Variants in ADCY9 observed in about 807,000 individuals in gnomAD.
The protein encoded by ADCY9 is adenylate cyclase 9.
A neutral mutation model predicts 101.5 loss-of-function variants in ADCY9; 50 were observed. The ratio of observed to expected loss-of-function variants is 0.49; its 90% CI spans 0.39 to 0.62. The LOEUF is 0.62. Among genes scored for constraint, ADCY9 ranks in the 20% least tolerant of loss-of-function variants. The pLI is 0.00. For synonymous variants in ADCY9, 905 were observed against 769.3 expected (o/e 1.18, Z -2.92); for missense variants, 1,662 against 1,800.4 (o/e 0.92, Z 1.39).
intron 2 of ADCY9, among the ~76,000 whole-genome samples, chr16:4,030,000 A>G (rs550108473): frequency 6.6e-6 from 1 of 152,298 alleles, no homozygotes; most frequent in South Asian, 2.1e-4. Flanking sequence ...GCTGGTGAGG[A>G]TGCAGAGCCA....
intron 2 of ADCY9, among the ~76,000 whole-genome samples, chr16:4,063,167 A>G (rs2056782206): frequency 6.6e-6 from 1 of 152,224 alleles, no homozygotes; most frequent in African/African-American, 2.4e-5. Context: ...CCAAAATGAA[A>G]TTTTTAAAAA....
intron 2 of ADCY9, among the ~76,000 whole-genome samples, chr16:4,026,564 A>G (rs181357122): frequency 6.6e-6 from 1 of 152,306 alleles, no homozygotes; most frequent in East Asian, 1.9e-4. Flanking sequence ...GGCACTATTC[A>G]TAATTGCCAA....
chr16:3,974,603 C>T (rs2056078553), intron 10 of ADCY9, 66 bp downstream of exon 10: 7 of 1,349,350 alleles, frequency 5.2e-6, no homozygotes, highest in African/African-American at 1.5e-5. Context: ...CAGGAAGCTT[C>T]GAAATGGGCA....
chr16:3,971,550 G>A (rs1274774362), intron 10 of ADCY9, among the ~76,000 whole-genome samples: 1 of 152,118 alleles, frequency 6.6e-6, no homozygotes, highest in African/African-American at 2.4e-5. Context: ...TACATCTCAA[G>A]TACTAAGCAA....
At chr16:4,003,563 CTTTT>C (rs34344577) in intron 3 of ADCY9, among the ~76,000 whole-genome samples, 1 of 124,478 alleles carries the variant, frequency 8.0e-6, no homozygotes, top group African/African-American at 3.0e-5. Context: ...TCTTTCTTTT[CTTTT>C]TTTTTTTTTT....
intron 2 of ADCY9, among the ~76,000 whole-genome samples, chr16:4,074,724 A>AAAAAAAT (rs2056856650): frequency 6.6e-6 from 1 of 151,606 alleles, no homozygotes; most frequent in Admixed American, 6.6e-5. Context: ...GGCAAAAAAA[A>AAAAAAAT]AAAAAAATAG....
Position 4,077,831 on chromosome 16 carries a change from C to A in ADCY9, c.1693+35919G>T, listed in dbSNP as rs538400647. Among the ~76,000 whole-genome samples, 37 of 152,180 alleles carry A rather than the reference C, an allele frequency of 2.4e-4. No individual in the cohort carries two copies. The South Asian group carries it at 7.5e-3, about 31-fold the overall frequency. On this transcript the variant is annotated intron_variant, in intron 2 of 10. Coordinates refer to ENST00000294016, the MANE Select transcript of ADCY9 (RefSeq NM_001116.4). Reference sequence around the variant, plus strand: ...CCTGGCCAGCATGGCAAAACGCCATCTCTACTAAAAATACAAAAGAAATTA... The same window carrying A: ...CCTGGCCAGCATGGCAAAACGCCATATCTACTAAAAATACAAAAGAAATTA...
At chr16:4,014,322 A>AAAG (rs1257507155) in intron 2 of ADCY9, among the ~76,000 whole-genome samples, 1 of 147,988 alleles carries the variant, frequency 6.8e-6, no homozygotes, top group Non-Finnish European at 1.5e-5. Context: ...TTGTCTCAAA[A>AAAG]AAGAAAAAAA....
chr16:3,979,102 G>A lies in ADCY9; in HGVS notation c.2679+14C>T, dbSNP rs1277874535. The A allele has an allele frequency of 1.9e-6, 3 of 1,614,144 alleles. No individual in the cohort carries two copies. The East Asian group carries it at 6.7e-5, about 36-fold the overall frequency. On this transcript the variant is annotated intron_variant, in intron 8 of 10. Coordinates refer to ENST00000294016, the MANE Select transcript of ADCY9 (RefSeq NM_001116.4). ...AGGAGAGCGTGGAAATAAAACGGCT[G>A]AGCCTTTACTTACGTGTATGTTGGT...
chr16:4,091,896 C>G lies in ADCY9; in HGVS notation c.1693+21854G>C, dbSNP rs186402768. ...CGGAATTAGACCCAGGGGATGGTTG[C>G]ACAACACTGTGAATGTGCGATATGC... On this transcript the variant is annotated intron_variant, in intron 2 of 10. Coordinates refer to ENST00000294016, the MANE Select transcript of ADCY9 (RefSeq NM_001116.4). Among the ~76,000 whole-genome samples the G allele has an allele frequency of 3.6e-3, 543 of 152,310 alleles. 3 individuals carry two copies. Among genetic ancestry groups the G allele is most frequent in the Non-Finnish European group, 6.2e-3 (419 of 68,022 alleles).
At chr16:4,037,940 A>G (rs2056600419) in intron 2 of ADCY9, among the ~76,000 whole-genome samples, 1 of 152,184 alleles carries the variant, frequency 6.6e-6, no homozygotes, top group Admixed American at 6.5e-5. Flanking sequence ...AATGTCCCCC[A>G]AAATTGACGT....
chr16:4,029,378 A>C (rs1402541514), intron 2 of ADCY9, among the ~76,000 whole-genome samples: 1 of 152,198 alleles, frequency 6.6e-6, no homozygotes, highest in Non-Finnish European at 1.5e-5. Context: ...AAAAGGCAAA[A>C]CTAGAGTGGG....
intron 2 of ADCY9, among the ~76,000 whole-genome samples, chr16:4,076,718 C>T (rs777984020): frequency 6.6e-6 from 1 of 152,120 alleles, no homozygotes; most frequent in Non-Finnish European, 1.5e-5. Flanking sequence ...CAAATGGCAT[C>T]AATAATTTTT....
At chr16:3,969,612 A>ATTT (rs58096084) in intron 10 of ADCY9, among the ~76,000 whole-genome samples, 1 of 70,894 alleles carries the variant, frequency 1.4e-5, no homozygotes, top group Non-Finnish European at 2.6e-5. Flanking sequence ...ATATATATGT[A>ATTT]TTTTTTTTTT....
At chr16:4,086,327 T>C (rs973389097) in intron 2 of ADCY9, among the ~76,000 whole-genome samples, 1 of 152,054 alleles carries the variant, frequency 6.6e-6, no homozygotes, top group Non-Finnish European at 1.5e-5. Context: ...CCACATGCCA[T>C]GTACTACGTG....
chr16:3,969,923 A>C (rs2056036417), intron 10 of ADCY9, among the ~76,000 whole-genome samples: 1 of 151,982 alleles, frequency 6.6e-6, no homozygotes, highest in Non-Finnish European at 1.5e-5. Flanking sequence ...CATACTCATC[A>C]TAGAAAATGT....
intron 2 of ADCY9, among the ~76,000 whole-genome samples, chr16:4,091,486 TACTC>T (rs1291262563): frequency 1.3e-5 from 2 of 152,158 alleles, no homozygotes; most frequent in East Asian, 1.9e-4. Flanking sequence ...AGAAAACAGA[TACTC>T]AAACAAAAAC....
chr16:4,032,328 G>A (rs183464102), intron 2 of ADCY9, among the ~76,000 whole-genome samples: 2 of 151,738 alleles, frequency 1.3e-5, no homozygotes, highest in Non-Finnish European at 1.5e-5. Flanking sequence ...AAACCAAGAA[G>A]AGCAGAGACG....
At position 4,115,338 on chromosome 16, in the gene ADCY9, C is replaced by T. The variant is rs758623814; in HGVS notation, c.105G>A (p.Lys35=). 222 of 1,613,266 alleles carry T rather than the reference C, an allele frequency of 1.4e-4. No homozygotes were observed. Among genetic ancestry groups the T allele is most frequent in the Non-Finnish European group, 1.8e-4 (212 of 1,179,764 alleles). ...TGGGGTGGCTGTTGGAGGACAGCTG[C>T]TTGGGGTTGATCTTGACGCGCACGC... ...SNSVRVKINP[K]QLSSNSHPKH... is the part of the protein sequence containing the mutation. Residue 35 remains lysine (K), a synonymous_variant, in exon 2 of 11, where the codon AAG becomes AAA. Coordinates refer to ENST00000294016, the MANE Select transcript of ADCY9 (RefSeq NM_001116.4). This position sits in a 1 kb window ranked among gnomAD's most constrained non-coding sequence, Gnocchi z 6.2.
Sources: allele counts gnomAD v4.1 joint callset (sites outside exome capture counted in the v4.1 genomes callset), GRCh38; gene constraint gnomAD v4.1.1; non-coding constraint Gnocchi (gnomAD v3.1); transcripts MANE v1.5; gene names NCBI Gene and HGNC (gene_info 2026-07-23, HGNC 2026-07-21).